The following PHF21A variants were observed in gnomAD, a reference collection of about 807,000 sequenced individuals.
The protein encoded by PHF21A is BHC80a.
A neutral mutation model predicts 82.5 loss-of-function variants in PHF21A; 11 were observed. That is an observed-to-expected ratio of 0.13 (90% CI 0.08 to 0.22). The LOEUF is 0.22. PHF21A is among the 10% of genes least tolerant of loss of function. PHF21A has a pLI of 1.00. For missense variants in PHF21A, 579 were observed against 837.8 expected (o/e 0.69, Z 3.81); for synonymous variants, 297 against 302.8 (o/e 0.98, Z 0.20).
At chr11:46,116,835 C>G (rs568976064) in intron 1 of PHF21A, 1 of 152,380 alleles carries the variant, frequency 6.6e-6, no homozygotes, top group South Asian at 2.1e-4. Context: ...TAGTGGCGGA[C>G]ACCTCTATAA....
chr11:46,016,743 G>GC (rs1406960202), intron 6 of PHF21A, among the ~76,000 whole-genome samples: 1 of 151,792 alleles, frequency 6.6e-6, no homozygotes, highest in East Asian at 1.9e-4. Context: ...TGATTTTATA[G>GC]CCCACTACCT....
chr11:46,066,162 A>C (rs1163571403), intron 6 of PHF21A, among the ~76,000 whole-genome samples: 1 of 152,232 alleles, frequency 6.6e-6, no homozygotes, highest in Non-Finnish European at 1.5e-5. Context: ...AGGCAACATT[A>C]GTCTATGCTG....
chr11:46,009,530 T>C (rs2095369281), intron 6 of PHF21A, among the ~76,000 whole-genome samples: 1 of 152,230 alleles, frequency 6.6e-6, no homozygotes, highest in South Asian at 2.1e-4. Flanking sequence ...GTACTTACTA[T>C]AAGGCAAGCA....
intron 6 of PHF21A, among the ~76,000 whole-genome samples, chr11:46,056,798 G>A (rs2096464212): frequency 6.6e-6 from 1 of 152,062 alleles, no homozygotes; most frequent in Admixed American, 6.6e-5. Context: ...GAATCCTTGT[G>A]CTTCCTGAAA....
At chr11:46,065,073 G>A (rs2096578578) in intron 6 of PHF21A, among the ~76,000 whole-genome samples, 1 of 152,194 alleles carries the variant, frequency 6.6e-6, no homozygotes, top group Admixed American at 6.6e-5. Flanking sequence ...TATAGAGACA[G>A]ACATTGTTAA....
At chr11:45,953,692 G>C (rs1291714816) in intron 10 of PHF21A, 67 bp from the exon 11 acceptor site, 1 of 916,964 alleles carries the variant, frequency 1.1e-6, no homozygotes, top group Non-Finnish European at 1.8e-6. Context: ...GCAATCAGAA[G>C]TTTAATAGTA....
intron 10 of PHF21A, among the ~76,000 whole-genome samples, chr11:45,957,690 G>A (rs1310635650): frequency 8.5e-6 from 1 of 117,462 alleles, no homozygotes; most frequent in Non-Finnish European, 1.7e-5. Flanking sequence ...AAAGAAGAAA[G>A]AGCTCAAATC....
chr11:45,953,994 TTTG>T lies in PHF21A; in HGVS notation c.997-372_997-370del, dbSNP rs914282664. Among the ~76,000 whole-genome samples, 3 of 152,296 alleles carry T rather than the reference TTTG, an allele frequency of 2.0e-5. No homozygotes were observed. The South Asian group carries it at 6.2e-4, about 32-fold the overall frequency. ...TTGCCCAGAAGCAAGCCTGCTATTT[TTTG>T]TTGTTGTTGTTGTTTTGAGATGGAG... On this transcript the variant is annotated intron_variant, in intron 10 of 18. Coordinates refer to ENST00000676320, the MANE Select transcript of PHF21A (RefSeq NM_001352027.3).
chr11:45,982,079 A>T (rs1166924316), intron 6 of PHF21A, among the ~76,000 whole-genome samples: 10 of 150,482 alleles, frequency 6.6e-5, no homozygotes, highest in Admixed American at 6.0e-4. Context: ...ACCTCAACCT[A>T]CCAAGTAGCT....
intron 18 of PHF21A, 84 bp downstream of exon 18, chr11:45,935,552 G>A (rs2088727590): frequency 1.2e-6 from 1 of 805,226 alleles, no homozygotes; most frequent in Non-Finnish European, 2.1e-6. Flanking sequence ...ACAGCCTGGG[G>A]CCCACACGTA....
At position 45,931,761 on chromosome 11, in the gene PHF21A, C is replaced by T. The variant is rs2087670777; in HGVS notation, c.*2207G>A. 6.6e-6 allele frequency: 1 copy of T among 152,420 alleles called. No individual in the cohort carries two copies. The highest frequency in any genetic ancestry group is 1.5e-5 in the Non-Finnish European group (1 of 68,190). 9.4% of individuals were successfully genotyped at this position (152,420 alleles called of 1,614,324 possible). A position where few individuals can be genotyped will look rare whatever the true frequency, so the allele number is the denominator to read the frequency against. ...CCAGCAGGGCCAGGGTACAGAGCCTCCACCGCCCTCCCATCGGCCAGGGGC... is the reference window on the plus strand; with the variant it reads ...CCAGCAGGGCCAGGGTACAGAGCCTTCACCGCCCTCCCATCGGCCAGGGGC... On this transcript the variant is annotated 3_prime_UTR_variant, in exon 19 of 19. Transcript: ENST00000676320.
chr11:46,069,702 AT>A (rs1295806696), intron 6 of PHF21A, among the ~76,000 whole-genome samples: 2 of 152,252 alleles, frequency 1.3e-5, no homozygotes, highest in African/African-American at 4.8e-5. Context: ...GGATTCTAGT[AT>A]TGAATCTCAT....
At chr11:46,002,265 T>C (rs984624951) in intron 6 of PHF21A, among the ~76,000 whole-genome samples, 1 of 152,212 alleles carries the variant, frequency 6.6e-6, no homozygotes, top group Non-Finnish European at 1.5e-5. Context: ...GTTGAGCTCC[T>C]TTGGGCAACT....
At chr11:46,047,023 C>T (rs1273203969) in intron 6 of PHF21A, among the ~76,000 whole-genome samples, 1 of 152,198 alleles carries the variant, frequency 6.6e-6, no homozygotes, top group African/African-American at 2.4e-5. Flanking sequence ...TAAAGTGATT[C>T]AGGAAGTCTA....
chr11:45,946,593 T>A (rs1031752704), intron 14 of PHF21A, among the ~76,000 whole-genome samples: 2 of 152,144 alleles, frequency 1.3e-5, no homozygotes, highest in African/African-American at 4.8e-5. Context: ...GCCAGGATGG[T>A]CTCGATCTCC....
chr11:46,096,326 GT>G (rs1267982794), intron 1 of PHF21A, among the ~76,000 whole-genome samples: 2 of 150,034 alleles, frequency 1.3e-5, no homozygotes, highest in African/African-American at 4.9e-5. Flanking sequence ...TCCTTCTCTA[GT>G]TATTGTCCCC....
At chr11:46,050,248 A>G (rs1322151094) in intron 6 of PHF21A, among the ~76,000 whole-genome samples, 1 of 152,246 alleles carries the variant, frequency 6.6e-6, no homozygotes, top group Non-Finnish European at 1.5e-5. Flanking sequence ...CACACAGACT[A>G]ATGTTGCCAG....
In PHF21A at chr11:46,084,176, T is replaced by C; in HGVS notation, c.44A>G (p.Gln15Arg). 1 of 1,599,618 alleles carries C rather than the reference T, an allele frequency of 6.3e-7. No homozygotes were observed. Among genetic ancestry groups the C allele is most frequent in the Non-Finnish European group, 8.5e-7 (1 of 1,175,128 alleles). ...AATAATACAACTTACCTGGTGAACC[T>C]GAATTTCCACTTTAAGAGCCTCCTG... Reference protein sequence around the residue: ...TLQEALKVEIQVHQKLVAQMK... With the variant: ...TLQEALKVEIRVHQKLVAQMK... Residue 15 changes from glutamine to arginine, a missense_variant, in exon 4 of 19, where the codon CAG (glutamine) becomes CGG (arginine). By Grantham distance (43) the Gln-to-Arg change is conservative. This residue lies in a region of PHF21A where 12 missense variants were observed against 46.4 expected (regional missense o/e 0.26). Coordinates refer to ENST00000676320, the MANE Select transcript of PHF21A (RefSeq NM_001352027.3).
intron 7 of PHF21A, among the ~76,000 whole-genome samples, chr11:45,972,921 A>C (rs964479940): frequency 6.5e-4 from 99 of 151,180 alleles, no homozygotes; most frequent in African/African-American, 2.2e-3. Context: ...CAAAAACAAA[A>C]AAAAAAATTA....
Sources: gnomAD v4.1 joint callset for allele counts (sites outside exome capture counted in the v4.1 genomes callset) on GRCh38, gnomAD v4.1.1 for gene constraint, gnomAD v4.1.1 regional missense constraint, MANE v1.5 for transcripts, NCBI Gene and HGNC (gene_info 2026-07-23, HGNC 2026-07-21) for gene names.